Variants in PATZ1 observed in about 807,000 individuals in gnomAD.
PATZ1 encodes POZ/BTB and AT hook containing zinc finger 1.
PATZ1 carries 9 observed loss-of-function variants against 46.2 expected under a neutral mutation model. The ratio of observed to expected loss-of-function variants is 0.19; its 90% CI spans 0.12 to 0.34. The LOEUF is 0.34. PATZ1 is among the 10% of genes least tolerant of loss of function. The pLI, the probability that PATZ1 is intolerant of heterozygous loss-of-function variation, is 1.00. For synonymous variants in PATZ1, 426 were observed against 378.6 expected, an observed-to-expected ratio of 1.13 and a Z score of -1.45; for missense variants, 632 against 923.0, an observed-to-expected ratio of 0.68 and a Z score of 4.08.
At chr22:31,329,390 A>G (rs1019487237) in intron 3 of PATZ1, among the ~76,000 whole-genome samples, 1 of 152,246 alleles carries the variant, frequency 6.6e-6, no homozygotes, top group Non-Finnish European at 1.5e-5. Context: ...AGGAAACTGG[A>G]CAACAAACGA....
chr22:31,339,331 A>C (rs535175912), intron 2 of PATZ1, among the ~76,000 whole-genome samples: 1 of 152,314 alleles, frequency 6.6e-6, no homozygotes, highest in East Asian at 1.9e-4. Context: ...AGCCAAGCTG[A>C]AGTGATTGTT....
At position 31,339,871 on chromosome 22, in the gene PATZ1, C is replaced by T. The variant is rs142842319; in HGVS notation, c.1335+3026G>A. Among the ~76,000 whole-genome samples the T allele has an allele frequency of 2.3e-4, 35 of 152,326 alleles. No homozygotes were observed. In the East Asian group the frequency reaches 5.4e-3, roughly 24 times the overall value. ...TACCAAGGGCACTAGTGCACACCCCCACCCTTAGTAGCCCTTGAACTCAGG... is the reference window on the plus strand; with the variant it reads ...TACCAAGGGCACTAGTGCACACCCCTACCCTTAGTAGCCCTTGAACTCAGG... On this transcript the variant is annotated intron_variant, in intron 2 of 4. Transcript: ENST00000266269.
chr22:31,345,399 C>T lies in PATZ1; in HGVS notation c.204G>A (p.Ser68=), dbSNP rs754904274. The T allele has an allele frequency of 6.2e-6, 10 of 1,610,454 alleles. No homozygotes were observed. The highest frequency in any genetic ancestry group is 5.5e-5 in the South Asian group (5 of 90,880). The change falls in exon 1 of 5, where the codon TCG becomes TCA. Residue 68 remains serine, a synonymous_variant. Transcript: ENST00000266269. The surrounding 1 kb of genome is among the most constrained non-coding windows in gnomAD (Gnocchi z 7.4). ...CGTCGCCCAACTGGGCGCTGAACAC[C>T]GACTCAAAGTACTCGCTGCAGGCGG... ...VLAACSEYFE[S]VFSAQLGDGG...
Position 31,345,359 on chromosome 22 carries a change from C to T in PATZ1, c.244G>A (p.Gly82Arg). The change falls in exon 1 of 5, where the codon GGG becomes AGG. Residue 82 changes from glycine to arginine, a missense_variant. Gly to Arg is a moderately radical substitution (Grantham distance 125). Transcript: ENST00000266269. The surrounding 1 kb of genome is among the most constrained non-coding windows in gnomAD (Gnocchi z 7.4). ...GCGCCCCCTACATCAGCCGGACCCC[C>T]GTCCGCAGCTCCGCCGTCGCCCAAC... ...AQLGDGGAAD[G>R]GPADVGGATA... 1.2e-6 allele frequency: 2 copies of T among 1,607,120 alleles called. No homozygotes were observed. Among genetic ancestry groups the T allele is most frequent in the Non-Finnish European group, 1.7e-6 (2 of 1,175,796 alleles).
At position 31,339,205 on chromosome 22, in the gene PATZ1, T is replaced by C. The variant is rs370987201; in HGVS notation, c.1336-3342A>G. ...CTGGCTTCCCCCACCCTGTCCTCCATTGATTATCTCTCAAGGAATGAAAGC... is the reference window on the plus strand; with the variant it reads ...CTGGCTTCCCCCACCCTGTCCTCCACTGATTATCTCTCAAGGAATGAAAGC... On this transcript the variant is annotated intron_variant, in intron 2 of 4. Coordinates refer to ENST00000266269, the MANE Select transcript of PATZ1 (RefSeq NM_014323.3). Among the ~76,000 whole-genome samples the C allele has an allele frequency of 8.3e-4, 127 of 152,272 alleles. 2 individuals carry two copies. In the East Asian group the frequency reaches 0.012, roughly 14 times the overall value.
At position 31,328,786 on chromosome 22, in the gene PATZ1, C is replaced by A; in HGVS notation, c.1645+1G>T. On this transcript the variant is annotated splice_donor_variant, in intron 4 of 4. Coordinates refer to ENST00000266269, the MANE Select transcript of PATZ1 (RefSeq NM_014323.3). LOFTEE classifies it high-confidence loss of function. The surrounding 1 kb of genome is among the most constrained non-coding windows in gnomAD (Gnocchi z 4.8). ...AAAGTGCAGAGCAAGGGGTCGCTTG[C>A]CTTTGTTGCCATAGGTCCTGGCGCA... 6.2e-7 allele frequency: 1 copy of A among 1,612,508 alleles called. No individual in the cohort carries two copies. The highest frequency in any genetic ancestry group is 8.5e-7 in the Non-Finnish European group (1 of 1,179,514).
chr22:31,345,735 G>A lies in PATZ1; in HGVS notation c.-133C>T, dbSNP rs2049646988. ...TGCCGGCCCGAGGCTCTGTAGTCTC[G>A]CAGGTGCGCCGAGTGTACACGCCCC... is the stretch of plus-strand genomic sequence containing the variant. On this transcript the variant is annotated 5_prime_UTR_variant, in exon 1 of 5. Transcript: ENST00000266269. This position sits in a 1 kb window ranked among gnomAD's most constrained non-coding sequence, Gnocchi z 7.4. 3.3e-6 allele frequency: 3 copies of A among 919,664 alleles called. No homozygotes were observed. Among genetic ancestry groups the A allele is most frequent in the South Asian group, 1.8e-5 (1 of 56,542 alleles). 57.0% of individuals were successfully genotyped at this position (919,664 alleles called of 1,614,324 possible). A position where few individuals can be genotyped will look rare whatever the true frequency, so the allele number is the denominator to read the frequency against.
chr22:31,338,032 T>C (rs1436233557), intron 2 of PATZ1: 3 of 152,224 alleles, frequency 2.0e-5, no homozygotes, highest in Non-Finnish European at 1.5e-5. Flanking sequence ...TTTGTAGCAA[T>C]GACATACTGC....
intron 2 of PATZ1, chr22:31,341,713 C>T (rs1354500781): frequency 6.3e-7 from 1 of 1,575,740 alleles, no homozygotes; most frequent in African/African-American, 1.4e-5. Flanking sequence ...TGCAGGTTAC[C>T]CCCCCAGGCC....
At chr22:31,342,871 C>T in intron 2 of PATZ1, 26 bp downstream of exon 2, 1 of 1,612,688 alleles carries the variant, frequency 6.2e-7, no homozygotes, top group Non-Finnish European at 8.5e-7. Context: ...TCCTTCAGCC[C>T]ATCTCTGCCC....
At position 31,346,208 on chromosome 22, in the gene PATZ1, T is replaced by TGGCGGCGGCGGCGGCGGCTGGAGCGGGCG; in HGVS notation, c.-635_-607dup. On this transcript the variant is annotated 5_prime_UTR_variant, in exon 1 of 5. Coordinates refer to ENST00000266269, the MANE Select transcript of PATZ1 (RefSeq NM_014323.3). Reference sequence around the variant, plus strand: ...CCGGGTCCCGGAGCCTGGAGGGCGGTGGCGGCGGCGGCGGCGGCTGGAGCG... The same window carrying TGGCGGCGGCGGCGGCGGCTGGAGCGGGCG: ...CCGGGTCCCGGAGCCTGGAGGGCGGTGGCGGCGGCGGCGGCGGCTGGAGCGGGCGGGCGGCGGCGGCGGCGGCTGGAGCG... The TGGCGGCGGCGGCGGCGGCTGGAGCGGGCG allele has an allele frequency of 6.8e-6, 1 of 147,030 alleles. No homozygotes were observed. Among genetic ancestry groups the TGGCGGCGGCGGCGGCGGCTGGAGCGGGCG allele is most frequent in the African/African-American group, 2.6e-5 (1 of 38,990 alleles). 9.1% of individuals were successfully genotyped at this position (147,030 alleles called of 1,614,324 possible).
chr22:31,326,840 A>G lies in PATZ1; in HGVS notation c.*51T>C, dbSNP rs958565314. ...CATCACTTCCCTCCGCATTCACAGCATTTCCCAGCAGTCCCCAGATGGTTG... is the reference window on the plus strand; with the variant it reads ...CATCACTTCCCTCCGCATTCACAGCGTTTCCCAGCAGTCCCCAGATGGTTG... On this transcript the variant is annotated 3_prime_UTR_variant, in exon 5 of 5. Coordinates refer to ENST00000266269, the MANE Select transcript of PATZ1 (RefSeq NM_014323.3). 6.7e-7 allele frequency: 1 copy of G among 1,502,922 alleles called. No individual in the cohort carries two copies. The allele number at this position is 1,502,922 out of a possible 1,614,324, so 93.1% of individuals were successfully genotyped here. A position where few individuals can be genotyped will look rare whatever the true frequency, so the allele number is the denominator to read the frequency against.
rs1261516025 is a variant in PATZ1 at position 31,326,644 on chromosome 22, G to C, written c.*247C>G. 1 of 463,428 alleles carries C rather than the reference G, an allele frequency of 2.2e-6. No homozygotes were observed. The allele number at this position is 463,428 out of a possible 1,614,324, so 28.7% of individuals were successfully genotyped here. On this transcript the variant is annotated 3_prime_UTR_variant, in exon 5 of 5. Transcript: ENST00000266269. Reference sequence around the variant, plus strand: ...GACTGGTTTTGCCTTGGAGGCCTATGTAGTGTTTTCTGCCCCTGTCCCATA... The same window carrying C: ...GACTGGTTTTGCCTTGGAGGCCTATCTAGTGTTTTCTGCCCCTGTCCCATA...
chr22:31,341,485 G>A, intron 2 of PATZ1: 9 of 1,613,370 alleles, frequency 5.6e-6, no homozygotes, highest in East Asian at 2.2e-5. Context: ...GGCGGGGCTG[G>A]GCAGAAGAGA....
At chr22:31,330,657 T>C (rs2145812588) in intron 3 of PATZ1, among the ~76,000 whole-genome samples, 1 of 152,342 alleles carries the variant, frequency 6.6e-6, no homozygotes, top group South Asian at 2.1e-4. Flanking sequence ...TGTTCCATTA[T>C]TGGGACGCTA....
chr22:31,335,667 A>C (rs753319562), intron 3 of PATZ1, 25 bp downstream of exon 3: 1 of 1,607,792 alleles, frequency 6.2e-7, no homozygotes, highest in African/African-American at 1.3e-5. Context: ...ATCCTCTGGA[A>C]GTGAGGAAAC....
rs59795126 is a variant in PATZ1, at chr22:31,326,828, C to T, written c.*63G>A. On this transcript the variant is annotated 3_prime_UTR_variant, in exon 5 of 5. Transcript: ENST00000266269. Reference sequence around the variant, plus strand: ...ACAGAACCCAAACATCACTTCCCTCCGCATTCACAGCATTTCCCAGCAGTC... The same window carrying T: ...ACAGAACCCAAACATCACTTCCCTCTGCATTCACAGCATTTCCCAGCAGTC... The T allele has an allele frequency of 3.4e-5, 49 of 1,425,004 alleles. No individual in the cohort carries two copies. Among genetic ancestry groups the T allele is most frequent in the African/African-American group, 2.1e-4 (15 of 70,064 alleles). The allele number at this position is 1,425,004 out of a possible 1,614,324, so 88.3% of individuals were successfully genotyped here.
At position 31,326,875 on chromosome 22, in the gene PATZ1, G is replaced by A; in HGVS notation, c.*16C>T. On this transcript the variant is annotated 3_prime_UTR_variant, in exon 5 of 5. Coordinates refer to ENST00000266269, the MANE Select transcript of PATZ1 (RefSeq NM_014323.3). ...AGTCCCCAGATGGTTGTTTCCGTGG[G>A]GACACAGCAGCTGCCTCATTTCCCT... 1.2e-6 allele frequency: 2 copies of A among 1,600,214 alleles called. No homozygotes were observed. The highest frequency in any genetic ancestry group is 1.7e-6 in the Non-Finnish European group (2 of 1,171,766).
intron 3 of PATZ1, chr22:31,335,397 T>C (rs1478237372): frequency 3.0e-6 from 1 of 333,658 alleles, no homozygotes; most frequent in Non-Finnish European, 5.5e-6. Context: ...AATGCATCCA[T>C]CCTGCCATCT....
Sources: gnomAD v4.1 joint callset for allele counts (sites outside exome capture counted in the v4.1 genomes callset) on GRCh38, gnomAD v4.1.1 for gene constraint, Gnocchi (gnomAD v3.1) non-coding constraint, MANE v1.5 for transcripts, NCBI Gene and HGNC (gene_info 2026-07-23, HGNC 2026-07-21) for gene names.